The following SRP68 variants were observed in gnomAD, a reference collection of about 807,000 sequenced individuals.
SRP68 encodes signal recognition particle 68.
Under a neutral mutation model 82.2 loss-of-function variants are expected in SRP68, and 15 were observed. The observed-to-expected ratio is 0.18, with a 90% CI of 0.12 to 0.28. The LOEUF (loss-of-function observed/expected upper bound fraction) is 0.28. Ranked by LOEUF, SRP68 falls within the 10% of genes least tolerant of loss-of-function variation. The pLI, the probability that SRP68 is intolerant of heterozygous loss-of-function variation, is 1.00. For synonymous variants in SRP68, 261 were observed against 292.6 expected (o/e 0.89, Z 1.10); for missense variants, 595 against 780.5 (o/e 0.76, Z 2.83).
intron 7 of SRP68, among the ~76,000 whole-genome samples, chr17:76,059,525 A>G (rs1022007999): frequency 6.6e-6 from 1 of 152,092 alleles, no homozygotes; most frequent in African/African-American, 2.4e-5. Context: ...CTGGCGATAG[A>G]GCAAGACTCC....
In SRP68 at chr17:76,044,270, G is replaced by A. The variant is rs532478096; in HGVS notation, c.1395-312C>T. On this transcript the variant is annotated intron_variant, in intron 12 of 15. Transcript: ENST00000307877. Reference sequence around the variant, plus strand: ...CTGGGGACAGGAAGGAAGGAAGAACGCTGCCCGGCTCAAATAGAAATCCCA... The same window carrying A: ...CTGGGGACAGGAAGGAAGGAAGAACACTGCCCGGCTCAAATAGAAATCCCA... Among the ~76,000 whole-genome samples, 15 of 152,312 alleles carry A rather than the reference G, an allele frequency of 9.8e-5. No homozygotes were observed. The East Asian group carries it at 1.2e-3, about 12-fold the overall frequency.
rs2066609733 is a variant in SRP68 at position 76,043,847 on chromosome 17, G to A, written c.1506C>T (p.Ala502=). ...CTCTCACCTTTAGGCTGTTCTTGAA[G>A]GCGCCAGCATCAGAATTTACTTCAT... ...YANEVNSDAG[A]FKNSLKDLPD... Residue 502 remains alanine (A), a synonymous_variant, in exon 13 of 16, where the codon GCC becomes GCT. Coordinates refer to ENST00000307877, the MANE Select transcript of SRP68 (RefSeq NM_014230.4). The A allele has an allele frequency of 1.0e-5, 16 of 1,603,400 alleles. No homozygotes were observed. The highest frequency in any genetic ancestry group is 1.4e-5 in the Non-Finnish European group (16 of 1,177,152).
Position 76,045,296 on chromosome 17 carries a change from A to G in SRP68, c.1390T>C (p.Tyr464His), listed in dbSNP as rs1426259009. The G allele has an allele frequency of 1.2e-6, 2 of 1,613,238 alleles. No individual in the cohort carries two copies. Among genetic ancestry groups the G allele is most frequent in the Non-Finnish European group, 1.7e-6 (2 of 1,179,386 alleles). ...IGLKTLVFKA[Y>H]RCFFIAQSYV... ...GCCCATCCCATGGGACGTTACCTGT[A>G]AGCTTTGAACACCAGAGTCTTGAGG... The change falls in exon 12 of 16, where the codon TAC (tyrosine) becomes CAC (histidine). Residue 464 changes from tyrosine (Y) to histidine (H), a missense_variant. Tyr to His is a moderately conservative substitution (Grantham distance 83, BLOSUM62 2). Coordinates refer to ENST00000307877, the MANE Select transcript of SRP68 (RefSeq NM_014230.4).
intron 7 of SRP68, among the ~76,000 whole-genome samples, chr17:76,058,370 C>T (rs1002633152): frequency 4.6e-5 from 7 of 151,942 alleles, no homozygotes; most frequent in African/African-American, 1.7e-4. Context: ...ATCCATTCAC[C>T]TTGGCCTCCC....
chr17:76,064,956 T>C (rs1259977684), intron 3 of SRP68, among the ~76,000 whole-genome samples: 1 of 151,864 alleles, frequency 6.6e-6, no homozygotes, highest in Non-Finnish European at 1.5e-5. Flanking sequence ...GTGGGCAAAG[T>C]ACTAACCTTT....
intron 3 of SRP68, 120 bp downstream of exon 3, chr17:76,067,096 AT>A: frequency 1.3e-6 from 1 of 755,898 alleles, no homozygotes; most frequent in Admixed American, 2.2e-5. Context: ...GAACACAGGA[AT>A]AGTAAACAAT....
chr17:76,062,506 T>C (rs1483567061), intron 4 of SRP68, among the ~76,000 whole-genome samples: 3 of 110,096 alleles, frequency 2.7e-5, no homozygotes, highest in African/African-American at 3.5e-5. Flanking sequence ...ATAATATATA[T>C]ATAATATACA....
intron 8 of SRP68, among the ~76,000 whole-genome samples, chr17:76,052,494 T>C (rs1347282477): frequency 6.6e-6 from 1 of 152,160 alleles, no homozygotes; most frequent in African/African-American, 2.4e-5. Context: ...AAATACCTAA[T>C]GCACACAGGG....
At position 76,060,750 on chromosome 17, in the gene SRP68, G is replaced by C. The variant is rs571519495; in HGVS notation, c.754+360C>G. 2.6e-4 allele frequency: 89 copies of C among 336,632 alleles called. 1 individual carries two copies. The South Asian group carries it at 4.0e-3, about 15-fold the overall frequency. 20.9% of individuals were successfully genotyped at this position (336,632 alleles called of 1,614,324 possible). ...CCCTCTGGTGGGGGAAGATGCTAAT[G>C]AGAGAGGCTATGGATGTGGGGAGGT... is the stretch of plus-strand genomic sequence containing the variant. On this transcript the variant is annotated intron_variant, in intron 6 of 15. Transcript: ENST00000307877.
chr17:76,070,850 G>GCACACACACACACACACACA (rs71891783), intron 1 of SRP68, among the ~76,000 whole-genome samples: 102 of 146,888 alleles, frequency 6.9e-4, no homozygotes, highest in African/African-American at 8.3e-4. Context: ...ACATGCACAT[G>GCACACACACACACACACACA]CACACACACA....
chr17:76,040,588 T>G, intron 14 of SRP68, 114 bp from the exon 15 acceptor site: 2 of 1,028,788 alleles, frequency 1.9e-6, no homozygotes, highest in Non-Finnish European at 3.0e-6. Flanking sequence ...GGAGCCAGCA[T>G]GTGGGGAAGC....
intron 12 of SRP68, 101 bp from the exon 13 acceptor site, chr17:76,044,059 T>A: frequency 7.2e-7 from 1 of 1,381,142 alleles, no homozygotes; most frequent in African/African-American, 1.5e-5. Context: ...TGGAAACAGG[T>A]TTCTTAACGT....
At chr17:76,065,281 C>T (rs1162969724) in intron 3 of SRP68, among the ~76,000 whole-genome samples, 1 of 151,806 alleles carries the variant, frequency 6.6e-6, no homozygotes, top group Non-Finnish European at 1.5e-5. Flanking sequence ...GAGATCCCAT[C>T]TTTACAAAAG....
intron 8 of SRP68, 70 bp from the exon 9 acceptor site, chr17:76,050,596 CA>C: frequency 9.6e-7 from 1 of 1,045,856 alleles, no homozygotes; most frequent in East Asian, 2.4e-5. Context: ...GGGAGAGGAG[CA>C]AAATCGCACA....
intron 8 of SRP68, chr17:76,053,431 GAGCGAACTTCGTCTTACC>G: frequency 1.0e-6 from 1 of 985,108 alleles, no homozygotes; most frequent in Non-Finnish European, 1.2e-6. Flanking sequence ...TTCAAGAAAA[GAGCGAACTTCGTCTTACC>G]AGCTACACAG....
intron 12 of SRP68, among the ~76,000 whole-genome samples, chr17:76,044,410 T>G (rs1263149479): frequency 6.6e-6 from 1 of 152,204 alleles, no homozygotes; most frequent in Non-Finnish European, 1.5e-5. Flanking sequence ...CAGCAGAGCC[T>G]GAGCGCTGCT....
rs1567934734 is a variant in SRP68 at position 76,062,566 on chromosome 17, TTATATAATATACATTATATAA to T, written c.562-1013_562-993del. Among the ~76,000 whole-genome samples the T allele has an allele frequency of 4.5e-3, 184 of 40,692 alleles. 3 individuals are homozygous for T. Among genetic ancestry groups the T allele is most frequent in the African/African-American group, 9.5e-3 (62 of 6,548 alleles). The allele number at this position is 40,692 out of a possible 152,430, so 26.7% of individuals were successfully genotyped here. A position where few individuals can be genotyped will look rare whatever the true frequency, so the allele number is the denominator to read the frequency against. ...TATATTATATAATATACATTATATA[TTATATAATATACATTATATAA>T]TATATAATATACATTATATATTATA... is the stretch of plus-strand genomic sequence containing the variant. On this transcript the variant is annotated intron_variant, in intron 4 of 15. Transcript: ENST00000307877.
intron 4 of SRP68, among the ~76,000 whole-genome samples, chr17:76,062,503 A>AT (rs1555629270): frequency 2.1e-4 from 17 of 79,620 alleles, no homozygotes; most frequent in East Asian, 3.1e-4. Flanking sequence ...TATATAATAT[A>AT]TATATAATAT....
chr17:76,051,994 G>A lies in SRP68; in HGVS notation c.979-1468C>T, dbSNP rs999126459. On this transcript the variant is annotated intron_variant, in intron 8 of 15. Transcript: ENST00000307877. The stretch of plus-strand genomic sequence containing the variant: ...GTGATCTCGTCTCACTGTAACCACC[G>A]CCTCCTGGGTTCATGAGATTCTCCT... Among the ~76,000 whole-genome samples the A allele has an allele frequency of 4.6e-5, 7 of 152,058 alleles. No homozygotes were observed. In the East Asian group the frequency reaches 5.8e-4, roughly 13 times the overall value.
Sources: allele counts gnomAD v4.1 joint callset (sites outside exome capture counted in the v4.1 genomes callset), GRCh38; gene constraint gnomAD v4.1.1; transcripts MANE v1.5; gene names NCBI Gene and HGNC (gene_info 2026-07-23, HGNC 2026-07-21).